YAP1: variants seen among roughly 807,000 people sequenced by gnomAD.
YAP1 encodes the protein Yes1 associated transcriptional regulator, also known as transcriptional coactivator YAP1.
A neutral mutation model predicts 56.9 loss-of-function variants in YAP1; 5 were observed. The observed-to-expected ratio is 0.09, with a 90% confidence interval of 0.05 to 0.18. The LOEUF is 0.18. Ranked by LOEUF, YAP1 falls within the 10% of genes least tolerant of loss-of-function variation. YAP1 has a pLI of 1.00. For missense variants in YAP1, 539 were observed against 651.8 expected (o/e 0.83, Z 1.88); for synonymous variants, 265 against 248.1 (o/e 1.07, Z -0.64).
intron 3 of YAP1, among the ~76,000 whole-genome samples, chr11:102,180,688 A>G (rs1346642161): frequency 1.4e-5 from 2 of 146,788 alleles, no homozygotes; most frequent in Non-Finnish European, 3.1e-5. Flanking sequence ...TCTCAAAAAA[A>G]AAAAAAAAAA....
chr11:102,232,191 G>C lies in YAP1; in HGVS notation c.*2251G>C, dbSNP rs1235170960. On this transcript the variant is annotated 3_prime_UTR_variant, in exon 9 of 9. Coordinates refer to ENST00000282441, the MANE Select transcript of YAP1 (RefSeq NM_001130145.3). ...AAGATCAAAGCTACTTGGAAGGAGT[G>C]CCTATAATTTGCCAGTAGCCACAGA... The C allele has an allele frequency of 7.2e-6, 1 of 138,956 alleles. No homozygotes were observed. Among genetic ancestry groups the C allele is most frequent in the Admixed American group, 8.3e-5 (1 of 12,096 alleles). 8.6% of individuals were successfully genotyped at this position (138,956 alleles called of 1,614,324 possible).
chr11:102,159,380 G>A (rs1344499905), intron 2 of YAP1, among the ~76,000 whole-genome samples: 3 of 152,110 alleles, frequency 2.0e-5, no homozygotes, highest in South Asian at 2.1e-4. Flanking sequence ...TTGAAGTAAC[G>A]GTCCAGAAAC....
chr11:102,233,419 CTCT>C (rs1950493484), exon 9 of YAP1: 1 of 150,114 alleles, frequency 6.7e-6, no homozygotes, highest in African/African-American at 2.4e-5. Flanking sequence ...TTTCCTTAAA[CTCT>C]TCTTTGTTGT....
chr11:102,139,289 A>G (rs994054574), intron 2 of YAP1, among the ~76,000 whole-genome samples: 3 of 151,944 alleles, frequency 2.0e-5, no homozygotes, highest in African/African-American at 4.8e-5. Context: ...TATTGGGTCT[A>G]TGAAGAGGCT....
intron 3 of YAP1, among the ~76,000 whole-genome samples, chr11:102,165,047 T>C (rs73582019): frequency 0.011 from 1,624 of 152,164 alleles, 35 homozygotes; most frequent in African/African-American, 0.038. Context: ...TGAAAATAAT[T>C]GTGGATGTTT....
chr11:102,130,720 C>T (rs1053413990), intron 2 of YAP1, among the ~76,000 whole-genome samples: 5 of 98,160 alleles, frequency 5.1e-5, no homozygotes, highest in Admixed American at 1.2e-4. Context: ...GATAACTACT[C>T]TTTTTTTTTT....
chr11:102,222,085 C>T (rs1037323512), intron 6 of YAP1, among the ~76,000 whole-genome samples: 2 of 152,028 alleles, frequency 1.3e-5, no homozygotes, highest in Non-Finnish European at 2.9e-5. Context: ...TATTTGCATG[C>T]AGGAGAATTG....
chr11:102,159,166 T>C (rs1946123956), intron 2 of YAP1, among the ~76,000 whole-genome samples: 1 of 152,170 alleles, frequency 6.6e-6, no homozygotes, highest in Non-Finnish European at 1.5e-5. Context: ...TCTAGTTCAT[T>C]CTCTGTCTCT....
At chr11:102,151,664 C>T (rs973916007) in intron 2 of YAP1, among the ~76,000 whole-genome samples, 1 of 152,160 alleles carries the variant, frequency 6.6e-6, no homozygotes, top group Non-Finnish European at 1.5e-5. Flanking sequence ...GTCAGCAGTA[C>T]TTGGCACTTA....
In YAP1 at chr11:102,223,966, A is replaced by G. The variant is rs904967417; in HGVS notation, c.1163+214A>G. ...TGAACTGTTCAGACTTGTACAAGGG[A>G]TACTTATTCAAAGTCATGACGTGTT... On this transcript the variant is annotated intron_variant, in intron 7 of 8. Transcript: ENST00000282441. 3.9e-5 allele frequency among the ~76,000 whole-genome samples: 6 copies of G among 152,226 alleles called. No individual in the cohort carries two copies. Among genetic ancestry groups the G allele is most frequent in the African/African-American group, 1.4e-4 (6 of 41,466 alleles).
intron 2 of YAP1, among the ~76,000 whole-genome samples, chr11:102,132,615 T>G (rs2135239452): frequency 6.6e-6 from 1 of 152,340 alleles, no homozygotes; most frequent in Middle Eastern, 3.4e-3. Flanking sequence ...GTTTAAGATT[T>G]TCCTTTTTTG....
At chr11:102,204,458 T>C (rs1289858002) in intron 4 of YAP1, among the ~76,000 whole-genome samples, 1 of 152,114 alleles carries the variant, frequency 6.6e-6, no homozygotes, top group African/African-American at 2.4e-5. Flanking sequence ...GCATATAAAT[T>C]TGTAAGTAAA....
intron 6 of YAP1, among the ~76,000 whole-genome samples, chr11:102,214,370 G>T (rs1949561838): frequency 6.6e-6 from 1 of 152,182 alleles, no homozygotes; most frequent in Non-Finnish European, 1.5e-5. Context: ...TATTGCTGAT[G>T]AGGATATTAT....
At chr11:102,224,156 A>C (rs950799206) in intron 7 of YAP1, among the ~76,000 whole-genome samples, 5 of 152,228 alleles carry the variant, frequency 3.3e-5, no homozygotes, top group African/African-American at 1.2e-4. Flanking sequence ...TTCAAGCTAA[A>C]ACGTTTCACC....
chr11:102,173,219 A>ATT (rs1947021616), intron 3 of YAP1, among the ~76,000 whole-genome samples: 1 of 152,136 alleles, frequency 6.6e-6, no homozygotes, highest in Non-Finnish European at 1.5e-5. Flanking sequence ...GCAATTACTA[A>ATT]GCCCTGGAAC....
Position 102,232,450 on chromosome 11 carries a change from C to T in YAP1, c.*2510C>T, listed in dbSNP as rs1338124610. On this transcript the variant is annotated 3_prime_UTR_variant, in exon 9 of 9. Transcript: ENST00000282441. ...TATGAATATGGAGATCTTCCTTTAC[C>T]CCTCAACTTTAATTTGCCCAGTTAT... 2 of 152,166 alleles carry T rather than the reference C, an allele frequency of 1.3e-5. No individual in the cohort carries two copies. Among genetic ancestry groups the T allele is most frequent in the East Asian group, 3.8e-4 (2 of 5,204 alleles). 9.4% of individuals were successfully genotyped at this position (152,166 alleles called of 1,614,324 possible).
At chr11:102,149,121 A>G (rs1245397067) in intron 2 of YAP1, among the ~76,000 whole-genome samples, 1 of 152,234 alleles carries the variant, frequency 6.6e-6, no homozygotes, top group South Asian at 2.1e-4. Flanking sequence ...TTTCTGGGCA[A>G]AACACCATAC....
At chr11:102,151,348 C>T (rs1945647469) in intron 2 of YAP1, among the ~76,000 whole-genome samples, 1 of 151,982 alleles carries the variant, frequency 6.6e-6, no homozygotes, top group African/African-American at 2.4e-5. Flanking sequence ...CCATGGTTTC[C>T]CCTTGCCTCT....
At chr11:102,153,326 C>A (rs1945769842) in intron 2 of YAP1, among the ~76,000 whole-genome samples, 1 of 152,168 alleles carries the variant, frequency 6.6e-6, no homozygotes, top group Admixed American at 6.5e-5. Flanking sequence ...TGGTTAAAGT[C>A]ACTGCGCACT....
Sources: gnomAD v4.1 joint callset for allele counts (sites outside exome capture counted in the v4.1 genomes callset) on GRCh38, gnomAD v4.1.1 for gene constraint, MANE v1.5 for transcripts, NCBI Gene and HGNC (gene_info 2026-07-23, HGNC 2026-07-21) for gene names.